The following SLC67A2 variants were observed in gnomAD, a reference collection of about 807,000 sequenced individuals.
SLC67A2 encodes solute carrier family 67 member 2, also known as solute carrier family 67 member A2.
chr2:102,736,851 A>C, the SLC67A2 span: 3 of 1,558,580 alleles, frequency 1.9e-6, no homozygotes, highest in Non-Finnish European at 2.6e-6. Context: ...GCAGCCGCGG[A>C]CCTACCCCGG....
the SLC67A2 span, among the ~76,000 whole-genome samples, chr2:102,723,543 A>G: frequency 3.0e-4 from 13 of 43,974 alleles, no homozygotes; most frequent in Non-Finnish European, 4.3e-4. Flanking sequence ...ACCGGCCACT[A>G]TGGAAAACAC....
chr2:102,718,811 AG>A, the SLC67A2 span: 1 of 1,613,740 alleles, frequency 6.2e-7, no homozygotes, highest in African/African-American at 1.3e-5. Context: ...GTGCTTGTAC[AG>A]CCGTAGGATT....
At chr2:102,726,944 A>G in the SLC67A2 span, 1 of 1,613,806 alleles carries the variant, frequency 6.2e-7, no homozygotes, top group Non-Finnish European at 8.5e-7. Flanking sequence ...AGCAAGGAAG[A>G]CCGTCTTCCC....
chr2:102,718,794 G>A, the SLC67A2 span: 1 of 1,613,820 alleles, frequency 6.2e-7, no homozygotes, highest in South Asian at 1.1e-5. Context: ...AGCAGTGCCT[G>A]CGAGTTGTGC....
chr2:102,726,816 GAA>G, the SLC67A2 span: 5,360 of 1,290,120 alleles, frequency 4.2e-3, no homozygotes, highest in South Asian at 9.7e-3. Context: ...AGCTACGTTT[GAA>G]AAAAAAAAAA....
At chr2:102,727,615 C>T in the SLC67A2 span, among the ~76,000 whole-genome samples, 1 of 152,316 alleles carries the variant, frequency 6.6e-6, no homozygotes. Context: ...AATAACGCTA[C>T]AATAGGCATC....
chr2:102,732,253 G>A, the SLC67A2 span: 4 of 1,282,144 alleles, frequency 3.1e-6, no homozygotes, highest in Non-Finnish European at 4.5e-6. Context: ...AAATTGAATT[G>A]TTTTCAGGTA....
the SLC67A2 span, among the ~76,000 whole-genome samples, chr2:102,720,079 A>G: frequency 1.3e-5 from 2 of 152,188 alleles, no homozygotes; most frequent in Admixed American, 6.5e-5. Flanking sequence ...AACTGAATTC[A>G]AACTTGCCAT....
the SLC67A2 span, among the ~76,000 whole-genome samples, chr2:102,725,038 C>T: frequency 6.6e-5 from 10 of 152,130 alleles, no homozygotes; most frequent in Admixed American, 3.3e-4. Context: ...ACATGAGGGA[C>T]GAAGACTGTG....
the SLC67A2 span, among the ~76,000 whole-genome samples, chr2:102,733,193 G>T: frequency 6.6e-6 from 1 of 152,174 alleles, no homozygotes; most frequent in Non-Finnish European, 1.5e-5. Flanking sequence ...TAGACAGACT[G>T]TTAACTTTTC....
chr2:102,730,311 A>C, the SLC67A2 span, among the ~76,000 whole-genome samples: 1 of 152,164 alleles, frequency 6.6e-6, no homozygotes, highest in Non-Finnish European at 1.5e-5. Flanking sequence ...TAGCCTCCTG[A>C]GTAGCTGGGA....
chr2:102,731,165 TAGG>T, the SLC67A2 span: 2 of 920,268 alleles, frequency 2.2e-6, no homozygotes, highest in Non-Finnish European at 3.3e-6. Context: ...AGAAAAACAT[TAGG>T]GTAAGATACC....
the SLC67A2 span, chr2:102,718,480 T>G: frequency 6.2e-7 from 1 of 1,613,916 alleles, no homozygotes; most frequent in Non-Finnish European, 8.5e-7. Context: ...TTAGAGACAT[T>G]ATGAAAATGG....
chr2:102,726,970 C>T, the SLC67A2 span: 2 of 1,613,442 alleles, frequency 1.2e-6, no homozygotes, highest in Non-Finnish European at 1.7e-6. Context: ...ATCGCTCCAG[C>T]AGCCCTGAGG....
the SLC67A2 span, among the ~76,000 whole-genome samples, chr2:102,735,169 T>A: frequency 2.6e-5 from 4 of 152,070 alleles, no homozygotes; most frequent in Non-Finnish European, 4.4e-5. Context: ...ACTACTAGAT[T>A]AAAGGAATAG....
At chr2:102,719,071 C>A in the SLC67A2 span, 36 of 1,614,092 alleles carry the variant, frequency 2.2e-5, no homozygotes, top group Non-Finnish European at 2.9e-5. Context: ...TCTTGCTGGC[C>A]CTGGCTCTGC....
chr2:102,727,281 T>C, the SLC67A2 span, among the ~76,000 whole-genome samples: 1 of 152,156 alleles, frequency 6.6e-6, no homozygotes, highest in South Asian at 2.1e-4. Flanking sequence ...CATTATTGTC[T>C]CCATTCTCAT....
chr2:102,735,480 C>T, the SLC67A2 span, among the ~76,000 whole-genome samples: 1 of 152,170 alleles, frequency 6.6e-6, no homozygotes, highest in Non-Finnish European at 1.5e-5. Flanking sequence ...CCTGCCAGGG[C>T]CCAGTGCCAT....
chr2:102,726,452 T>C, the SLC67A2 span, among the ~76,000 whole-genome samples: 3 of 152,244 alleles, frequency 2.0e-5, no homozygotes, highest in East Asian at 5.8e-4. Flanking sequence ...TTGGTCAAGA[T>C]AGCAGAGTGC....
Sources: gnomAD v4.1 joint callset for allele counts (sites outside exome capture counted in the v4.1 genomes callset) on GRCh38, gnomAD v4.1.1 for gene constraint, MANE v1.5 for transcripts, NCBI Gene and HGNC (gene_info 2026-07-23, HGNC 2026-07-21) for gene names.